VTA1: variants seen among roughly 807,000 people sequenced by gnomAD.
VTA1 encodes vacuolar protein sorting-associated protein VTA1 homolog.
A neutral mutation model predicts 36.9 loss-of-function variants in VTA1; 24 were observed. The ratio of observed to expected loss-of-function variants is 0.65; its 90% CI spans 0.47 to 0.91. The LOEUF is 0.91. Among genes scored for constraint, VTA1 ranks in the 40% least tolerant of loss-of-function variants. The pLI is 0.00. For missense variants in VTA1, 393 were observed against 377.2 expected (o/e 1.04, Z -0.35); for synonymous variants, 142 against 130.2 (o/e 1.09, Z -0.62).
chr6:142,209,001 A>G, intron 7 of VTA1, among the ~76,000 whole-genome samples: 2 of 152,306 alleles, frequency 1.3e-5, no homozygotes, highest in East Asian at 3.9e-4. Flanking sequence ...GAGCAATTTT[A>G]TAGTATAGAG....
In VTA1 at chr6:142,218,843, A is replaced by G. The variant is rs541767870; in HGVS notation, c.*200A>G. ...TTTCATTGTCCATTTACTAGATTCA[A>G]TCGTCTCTGAGTATATAGGGCTGAT... On this transcript the variant is annotated 3_prime_UTR_variant, in exon 8 of 8. Transcript: ENST00000367630. 163 of 548,320 alleles carry G rather than the reference A, an allele frequency of 3.0e-4. 2 individuals carry two copies. The South Asian group carries it at 3.2e-3, about 11-fold the overall frequency. 34.0% of individuals were successfully genotyped at this position (548,320 alleles called of 1,614,324 possible).
chr6:142,170,088 A>G (rs894849737), intron 3 of VTA1, among the ~76,000 whole-genome samples: 4 of 152,168 alleles, frequency 2.6e-5, no homozygotes, highest in African/African-American at 4.8e-5. Context: ...ATAATACTAT[A>G]ATTACATTTT....
chr6:142,181,116 T>TATATATATATACAC (rs753996612), intron 4 of VTA1, among the ~76,000 whole-genome samples: 7 of 87,066 alleles, frequency 8.0e-5, no homozygotes, highest in South Asian at 3.6e-4. Context: ...TATATATATA[T>TATATATATATACAC]ACACACACAC....
At chr6:142,191,443 C>T (rs770514123) in intron 5 of VTA1, among the ~76,000 whole-genome samples, 2 of 152,178 alleles carry the variant, frequency 1.3e-5, no homozygotes, top group South Asian at 2.1e-4. Flanking sequence ...TTGATTATCA[C>T]GTTGATCTGT....
At chr6:142,202,685 A>G (rs562242151) in intron 6 of VTA1, among the ~76,000 whole-genome samples, 3 of 151,982 alleles carry the variant, frequency 2.0e-5, no homozygotes, top group Admixed American at 6.6e-5. Flanking sequence ...AACAGCATTG[A>G]CATATATATA....
At chr6:142,172,425 CTGAGA>C (rs1335682017) in intron 4 of VTA1, among the ~76,000 whole-genome samples, 1 of 152,186 alleles carries the variant, frequency 6.6e-6, no homozygotes, top group Non-Finnish European at 1.5e-5. Flanking sequence ...TAGAAGCCAC[CTGAGA>C]TATTTCAAAA....
In VTA1 at chr6:142,166,614, CT is replaced by C. The variant is rs869068795; in HGVS notation, c.207+305del. Among the ~76,000 whole-genome samples the C allele has an allele frequency of 4.2e-3, 601 of 144,036 alleles. 2 individuals carry two copies. The highest frequency in any genetic ancestry group is 5.5e-3 in the African/African-American group (218 of 39,520). The allele number at this position is 144,036 out of a possible 152,430, so 94.5% of individuals were successfully genotyped here. ...TCCTTTTATAGGTGAAAAACCCCTC[CT>C]TTTTTTTTTTTTAAGTTGAGACAGG... is the stretch of plus-strand genomic sequence containing the variant. On this transcript the variant is annotated intron_variant, in intron 2 of 7. Coordinates refer to ENST00000367630, the MANE Select transcript of VTA1 (RefSeq NM_016485.5).
At chr6:142,216,167 A>T (rs1195484576) in intron 7 of VTA1, among the ~76,000 whole-genome samples, 1 of 151,792 alleles carries the variant, frequency 6.6e-6, no homozygotes, top group East Asian at 1.9e-4. Flanking sequence ...TTAAGCTTAT[A>T]TTGACCTTTT....
chr6:142,173,878 T>C (rs1775070715), intron 4 of VTA1, among the ~76,000 whole-genome samples: 1 of 152,158 alleles, frequency 6.6e-6, no homozygotes, highest in Non-Finnish European at 1.5e-5. Context: ...ATTGGGGTGA[T>C]GGGATGGGAT....
chr6:142,148,961 T>A (rs868668156), intron 1 of VTA1, among the ~76,000 whole-genome samples: 1 of 152,204 alleles, frequency 6.6e-6, no homozygotes, highest in Admixed American at 6.5e-5. Flanking sequence ...CTCTCATCCC[T>A]AAAGGAAATT....
chr6:142,177,151 A>G (rs1334599053), intron 4 of VTA1, among the ~76,000 whole-genome samples: 1 of 152,234 alleles, frequency 6.6e-6, no homozygotes, highest in East Asian at 1.9e-4. Flanking sequence ...ATATGAGAGT[A>G]GAGTTATGTC....
intron 2 of VTA1, 123 bp from the exon 3 acceptor site, chr6:142,169,427 T>C (rs1774986910): frequency 8.9e-7 from 1 of 1,128,224 alleles, no homozygotes; most frequent in Non-Finnish European, 1.2e-6. Context: ...ATTTCATTGA[T>C]GACATCTTTT....
chr6:142,191,316 T>TA (rs1775450789), intron 5 of VTA1, among the ~76,000 whole-genome samples: 2 of 152,146 alleles, frequency 1.3e-5, no homozygotes, highest in Non-Finnish European at 2.9e-5. Flanking sequence ...ATTTTAGGTA[T>TA]ATTGAAATAC....
rs765859583 is a variant in VTA1 at position 142,212,921 on chromosome 6, A to G, written c.779-5577A>G. On this transcript the variant is annotated intron_variant, in intron 7 of 7. Transcript: ENST00000367630. ...AATTCAACATGAGGTTTGGGCAGGGACACAAGTCCAAATCATATCATTCTG... is the reference window on the plus strand; with the variant it reads ...AATTCAACATGAGGTTTGGGCAGGGGCACAAGTCCAAATCATATCATTCTG... Among the ~76,000 whole-genome samples the G allele has an allele frequency of 4.5e-4, 69 of 152,178 alleles. 1 individual carries two copies. The highest frequency in any genetic ancestry group is 3.8e-4 in the East Asian group (2 of 5,196).
chr6:142,169,779 T>A, intron 3 of VTA1, 102 bp downstream of exon 3: 6 of 1,097,098 alleles, frequency 5.5e-6, no homozygotes, highest in Non-Finnish European at 7.2e-6. Context: ...CTGATTGATT[T>A]AGGTTTTTTT....
chr6:142,147,790 G>T (rs1172958025), intron 1 of VTA1, among the ~76,000 whole-genome samples: 1 of 152,196 alleles, frequency 6.6e-6, no homozygotes, highest in Non-Finnish European at 1.5e-5. Flanking sequence ...ATAAAAGGAC[G>T]ATAGACTAGT....
chr6:142,199,365 C>T (rs751005411), intron 6 of VTA1, among the ~76,000 whole-genome samples: 2 of 152,076 alleles, frequency 1.3e-5, no homozygotes, highest in Admixed American at 1.3e-4. Flanking sequence ...AGGACACTTG[C>T]AGCTATAATT....
At chr6:142,147,937 A>G (rs1383280170) in intron 1 of VTA1, among the ~76,000 whole-genome samples, 1 of 152,174 alleles carries the variant, frequency 6.6e-6, no homozygotes, top group African/African-American at 2.4e-5. Context: ...GCTCTCTCCT[A>G]CCATGCAGAA....
intron 7 of VTA1, among the ~76,000 whole-genome samples, chr6:142,217,378 G>A (rs1222284920): frequency 6.6e-6 from 1 of 152,082 alleles, no homozygotes; most frequent in Non-Finnish European, 1.5e-5. Context: ...GCACCTGCAG[G>A]TGCCTGGCAC....
Sources: allele counts gnomAD v4.1 joint callset (sites outside exome capture counted in the v4.1 genomes callset), GRCh38; gene constraint gnomAD v4.1.1; transcripts MANE v1.5; gene names NCBI Gene and HGNC (gene_info 2026-07-23, HGNC 2026-07-21).